FRMD5: variants seen among roughly 807,000 people sequenced by gnomAD.
The protein encoded by FRMD5 is FERM domain-containing protein 5.
Under a neutral mutation model 69.0 loss-of-function variants are expected in FRMD5, and 20 were observed. That is an observed-to-expected ratio of 0.29 (90% CI 0.20 to 0.42). The LOEUF (loss-of-function observed/expected upper bound fraction) is 0.42, where lower values mean the gene tolerates loss of function less well. FRMD5 is among the 10% of genes least tolerant of loss of function. The pLI is 1.00. For synonymous variants in FRMD5, 271 were observed against 260.1 expected (o/e 1.04, Z -0.40); for missense variants, 595 against 708.6 (o/e 0.84, Z 1.82).
chr15:44,188,944 G>A (rs1478086304), intron 1 of FRMD5, among the ~76,000 whole-genome samples: 1 of 152,012 alleles, frequency 6.6e-6, no homozygotes, highest in African/African-American at 2.4e-5. Context: ...GTGGAAGGGT[G>A]GGGGGTTGAA....
intron 1 of FRMD5, among the ~76,000 whole-genome samples, chr15:44,147,115 G>C (rs1595521225): frequency 6.6e-6 from 1 of 152,136 alleles, no homozygotes; most frequent in African/African-American, 2.4e-5. Flanking sequence ...GGTTTTTATA[G>C]TTTTGAGTTT....
At chr15:43,902,951 A>C (rs1278256703) in intron 6 of FRMD5, among the ~76,000 whole-genome samples, 1 of 152,194 alleles carries the variant, frequency 6.6e-6, no homozygotes, top group Non-Finnish European at 1.5e-5. Flanking sequence ...AATTAGGGTG[A>C]GGAGAGGCAG....
chr15:43,991,296 G>A lies in FRMD5; in HGVS notation c.103-66987C>T, dbSNP rs920175090. On this transcript the variant is annotated intron_variant, in intron 1 of 13. Coordinates refer to ENST00000417257, the MANE Select transcript of FRMD5 (RefSeq NM_032892.5). ...GCTAAAGGGCATTAGATTATGGAGT[G>A]GAACTCTGATGGGAAAGGAAAGCTG... Among the ~76,000 whole-genome samples, 6 of 152,302 alleles carry A rather than the reference G, an allele frequency of 3.9e-5. No individual in the cohort carries two copies. The South Asian group carries it at 8.3e-4, about 21-fold the overall frequency.
At chr15:43,913,229 T>G (rs1341027726) in intron 4 of FRMD5, among the ~76,000 whole-genome samples, 1 of 152,162 alleles carries the variant, frequency 6.6e-6, no homozygotes, top group Non-Finnish European at 1.5e-5. Context: ...CAGGGTTCCT[T>G]TTGATTTCTG....
At chr15:43,935,563 T>A (rs2044630085) in intron 1 of FRMD5, among the ~76,000 whole-genome samples, 1 of 152,186 alleles carries the variant, frequency 6.6e-6, no homozygotes, top group Non-Finnish European at 1.5e-5. Flanking sequence ...AGGGTGGGAA[T>A]GACCAGGTCC....
At chr15:43,951,540 G>T (rs537998784) in intron 1 of FRMD5, among the ~76,000 whole-genome samples, 6 of 152,112 alleles carry the variant, frequency 3.9e-5, no homozygotes, top group African/African-American at 1.4e-4. Context: ...ATAATTCATA[G>T]TGCTCTTAGA....
chr15:43,922,454 G>A (rs555371623), intron 2 of FRMD5, among the ~76,000 whole-genome samples: 1 of 152,292 alleles, frequency 6.6e-6, no homozygotes, highest in South Asian at 2.1e-4. Flanking sequence ...CAAGCAGTAG[G>A]AACTCCATAA....
chr15:43,922,542 T>G (rs1404062413), intron 2 of FRMD5, among the ~76,000 whole-genome samples: 1 of 152,156 alleles, frequency 6.6e-6, no homozygotes, highest in East Asian at 1.9e-4. Flanking sequence ...CATCCACATA[T>G]TCTCTTACTC....
chr15:44,199,453 A>T (rs547331181), upstream of FRMD5, among the ~76,000 whole-genome samples: 1 of 152,052 alleles, frequency 6.6e-6, no homozygotes, highest in South Asian at 2.1e-4. Flanking sequence ...AACTCTCCTT[A>T]CCTAGGTTAG....
At chr15:44,132,928 A>G (rs1199210999) in intron 1 of FRMD5, among the ~76,000 whole-genome samples, 1 of 151,592 alleles carries the variant, frequency 6.6e-6, no homozygotes, top group Non-Finnish European at 1.5e-5. Context: ...ATGCCTGGCT[A>G]ATTTTTGTAC....
chr15:44,109,635 A>G (rs2076769433), intron 1 of FRMD5, among the ~76,000 whole-genome samples: 1 of 152,078 alleles, frequency 6.6e-6, no homozygotes, highest in Non-Finnish European at 1.5e-5. Flanking sequence ...TACATTGATT[A>G]TGAACCTACA....
At chr15:44,059,795 G>A (rs1893018197) in intron 1 of FRMD5, among the ~76,000 whole-genome samples, 2 of 152,132 alleles carry the variant, frequency 1.3e-5, no homozygotes, top group Admixed American at 6.5e-5. Context: ...GATTACAGGT[G>A]TGAGCCACTG....
At chr15:44,192,569 TA>T (rs1197819998) in intron 1 of FRMD5, among the ~76,000 whole-genome samples, 1 of 152,170 alleles carries the variant, frequency 6.6e-6, no homozygotes, top group African/African-American at 2.4e-5. Flanking sequence ...GCCCAGTATT[TA>T]ACAAATAAGC....
At chr15:44,108,895 A>C (rs1306027308) in intron 1 of FRMD5, among the ~76,000 whole-genome samples, 1 of 151,862 alleles carries the variant, frequency 6.6e-6, no homozygotes, top group Non-Finnish European at 1.5e-5. Context: ...CAGGAATTCA[A>C]GGCCACAGTG....
chr15:43,918,060 C>T (rs2089425258), intron 4 of FRMD5, among the ~76,000 whole-genome samples: 1 of 152,214 alleles, frequency 6.6e-6, no homozygotes, highest in African/African-American at 2.4e-5. Context: ...CCCTCCTCTC[C>T]CCATTTCCTG....
At chr15:44,108,920 C>T (rs989494627) in intron 1 of FRMD5, among the ~76,000 whole-genome samples, 5 of 150,814 alleles carry the variant, frequency 3.3e-5, no homozygotes, top group Admixed American at 6.6e-5. Context: ...ATGATGGTAC[C>T]ACTGCATTCC....
At chr15:43,952,065 C>G (rs2090044979) in intron 1 of FRMD5, among the ~76,000 whole-genome samples, 2 of 149,432 alleles carry the variant, frequency 1.3e-5, no homozygotes, top group Non-Finnish European at 3.0e-5. Context: ...TGTGGTCAAA[C>G]TGCCATAGAC....
At chr15:43,948,752 G>A (rs2140505508) in intron 1 of FRMD5, among the ~76,000 whole-genome samples, 1 of 152,280 alleles carries the variant, frequency 6.6e-6, no homozygotes, top group African/African-American at 2.4e-5. Flanking sequence ...GAAAAGGACA[G>A]GCCTGTACTG....
chr15:43,965,664 C>G (rs2090283191), intron 1 of FRMD5, among the ~76,000 whole-genome samples: 1 of 150,852 alleles, frequency 6.6e-6, no homozygotes, highest in Non-Finnish European at 1.5e-5. Context: ...TCACCACAAC[C>G]TCTGCCTCCC....
Sources: gnomAD v4.1 joint callset for allele counts (sites outside exome capture counted in the v4.1 genomes callset) on GRCh38, gnomAD v4.1.1 for gene constraint, MANE v1.5 for transcripts, NCBI Gene and HGNC (gene_info 2026-07-23, HGNC 2026-07-21) for gene names.